The following SH3RF3 variants were observed in gnomAD, a reference collection of about 807,000 sequenced individuals.
SH3RF3 encodes E3 ubiquitin-protein ligase SH3RF3.
SH3RF3 carries 29 observed loss-of-function variants against 66.3 expected under a neutral mutation model. The observed-to-expected ratio is 0.44, with a 90% CI of 0.33 to 0.60. The LOEUF is 0.60. Among genes scored for constraint, SH3RF3 ranks in the 20% least tolerant of loss-of-function variants. SH3RF3 has a pLI of 0.04. For synonymous variants in SH3RF3, 583 were observed against 532.0 expected (o/e 1.10, Z -1.32); for missense variants, 1,194 against 1,190.9 (o/e 1.00, Z -0.04).
chr2:109,170,368 C>T (rs1275968013), intron 1 of SH3RF3, among the ~76,000 whole-genome samples: 3 of 149,056 alleles, frequency 2.0e-5, no homozygotes, highest in African/African-American at 7.4e-5. Flanking sequence ...TCTTTTTTGA[C>T]CACATCTTGT....
intron 1 of SH3RF3, among the ~76,000 whole-genome samples, chr2:109,220,407 A>C (rs906739061): frequency 1.7e-4 from 26 of 152,222 alleles, no homozygotes; most frequent in Admixed American, 7.2e-4. Context: ...CAGGCAATAC[A>C]AGAAAAAAAT....
At chr2:109,422,278 G>T (rs557915369) in intron 5 of SH3RF3, among the ~76,000 whole-genome samples, 2 of 152,236 alleles carry the variant, frequency 1.3e-5, no homozygotes, top group Admixed American at 1.3e-4. Context: ...AGATGGGGCT[G>T]ATGTGAAAGT....
At chr2:109,357,934 T>C (rs1559041510) in intron 2 of SH3RF3, among the ~76,000 whole-genome samples, 1 of 152,212 alleles carries the variant, frequency 6.6e-6, no homozygotes, top group South Asian at 2.1e-4. Context: ...GTTATTACTC[T>C]AAGCCTATAG....
chr2:109,449,528 C>T lies in SH3RF3; in HGVS notation c.2148+39C>T, dbSNP rs189090397. ...CCTGGACGAGCCCTGGGCTCGAGGC[C>T]AGCTGCTTACTGTAACTTTTTGGCA... On this transcript the variant is annotated intron_variant, in intron 8 of 9. Transcript: ENST00000309415. 383 of 1,593,146 alleles carry T rather than the reference C, an allele frequency of 2.4e-4. 2 individuals are homozygous for T. The East Asian group carries it at 7.6e-3, about 31-fold the overall frequency.
chr2:109,488,491 C>T (rs1307814633), intron 8 of SH3RF3, among the ~76,000 whole-genome samples: 2 of 152,178 alleles, frequency 1.3e-5, no homozygotes, highest in East Asian at 3.9e-4. Context: ...TGCAGGGTCT[C>T]CCATCCCCAG....
chr2:109,417,442 C>T (rs775751170), intron 4 of SH3RF3, among the ~76,000 whole-genome samples: 33 of 152,234 alleles, frequency 2.2e-4, no homozygotes, highest in South Asian at 2.1e-4. Flanking sequence ...GGAATCCATC[C>T]GTGGGAAGGA....
At chr2:109,263,058 C>T (rs1680397356) in intron 1 of SH3RF3, among the ~76,000 whole-genome samples, 1 of 152,088 alleles carries the variant, frequency 6.6e-6, no homozygotes, top group Non-Finnish European at 1.5e-5. Flanking sequence ...ATTGGCCAGG[C>T]TGGTCTCGAA....
intron 1 of SH3RF3, among the ~76,000 whole-genome samples, chr2:109,265,170 T>A (rs552314526): frequency 1.3e-5 from 2 of 152,096 alleles, no homozygotes; most frequent in East Asian, 3.9e-4. Flanking sequence ...GAAGGAACAT[T>A]GAAGAGAGCC....
At chr2:109,419,676 G>GCCCTC in intron 5 of SH3RF3, 34 bp downstream of exon 5, 1 of 1,542,408 alleles carries the variant, frequency 6.5e-7, no homozygotes, top group East Asian at 2.4e-5. Context: ...GGGGTCCTGT[G>GCCCTC]CCTGCAGCCC....
At chr2:109,299,468 G>T (rs929338035) in intron 1 of SH3RF3, among the ~76,000 whole-genome samples, 1 of 152,034 alleles carries the variant, frequency 6.6e-6, no homozygotes, top group African/African-American at 2.4e-5. Context: ...AGCCACCAGG[G>T]CCTTTTGAAG....
intron 4 of SH3RF3, among the ~76,000 whole-genome samples, chr2:109,413,520 A>G (rs983368972): frequency 1.3e-5 from 2 of 150,762 alleles, no homozygotes; most frequent in East Asian, 3.9e-4. Context: ...CTGTCTGTCT[A>G]CCTCTGTCTC....
At chr2:109,396,852 C>G (rs750774572) in intron 3 of SH3RF3, among the ~76,000 whole-genome samples, 1 of 152,226 alleles carries the variant, frequency 6.6e-6, no homozygotes, top group Non-Finnish European at 1.5e-5. Flanking sequence ...ACTTCCATAG[C>G]GGCTCACATG....
intron 1 of SH3RF3, among the ~76,000 whole-genome samples, chr2:109,274,010 G>A (rs1164050099): frequency 1.3e-5 from 2 of 152,016 alleles, no homozygotes; most frequent in Non-Finnish European, 2.9e-5. Flanking sequence ...CATAGTTCTG[G>A]GCTTATAAAA....
chr2:109,463,842 T>C (rs894626445), intron 8 of SH3RF3, among the ~76,000 whole-genome samples: 2 of 152,188 alleles, frequency 1.3e-5, no homozygotes, highest in Non-Finnish European at 2.9e-5. Context: ...CCTTTCTCCC[T>C]GTCACAACTG....
chr2:109,355,558 G>A (rs866679705), intron 2 of SH3RF3, among the ~76,000 whole-genome samples: 1 of 152,306 alleles, frequency 6.6e-6, no homozygotes, highest in African/African-American at 2.4e-5. Flanking sequence ...TCTAGAAAAC[G>A]TTCCTGACCT....
At chr2:109,339,551 G>A (rs546399713) in intron 1 of SH3RF3, among the ~76,000 whole-genome samples, 77 of 152,306 alleles carry the variant, frequency 5.1e-4, no homozygotes, top group African/African-American at 1.6e-3. Flanking sequence ...AGATGGGGCC[G>A]ACCAGGCATC....
intron 1 of SH3RF3, among the ~76,000 whole-genome samples, chr2:109,201,080 G>A (rs1479131487): frequency 1.3e-5 from 2 of 152,192 alleles, no homozygotes; most frequent in Non-Finnish European, 2.9e-5. Flanking sequence ...CGTGCTCAGG[G>A]ACTCTCAGTT....
intron 1 of SH3RF3, among the ~76,000 whole-genome samples, chr2:109,153,217 G>A (rs1048060650): frequency 7.2e-5 from 11 of 152,220 alleles, no homozygotes; most frequent in African/African-American, 2.7e-4. Flanking sequence ...GGGTGAGGCT[G>A]AATGAGTACA....
At chr2:109,393,419 C>G (rs1417508163) in intron 3 of SH3RF3, among the ~76,000 whole-genome samples, 1 of 152,216 alleles carries the variant, frequency 6.6e-6, no homozygotes, top group African/African-American at 2.4e-5. Flanking sequence ...CAACAGCCCA[C>G]ACCTATTGAG....
Sources: allele counts gnomAD v4.1 joint callset (sites outside exome capture counted in the v4.1 genomes callset), GRCh38; gene constraint gnomAD v4.1.1; transcripts MANE v1.5; gene names NCBI Gene and HGNC (gene_info 2026-07-23, HGNC 2026-07-21).